Variants in KDM4C observed in about 807,000 individuals in gnomAD.
KDM4C encodes lysine demethylase 4C.
In KDM4C, 81 loss-of-function variants were observed where a neutral mutation model predicts 129.3. The observed-to-expected ratio is 0.63, with a 90% CI of 0.52 to 0.75. The LOEUF (loss-of-function observed/expected upper bound fraction) is 0.75. Among genes scored for constraint, KDM4C ranks in the 30% least tolerant of loss-of-function variants. The pLI is 0.00. For missense variants in KDM4C, 1,457 were observed against 1,304.0 expected, an observed-to-expected ratio of 1.12 and a Z score of -1.81; for synonymous variants, 573 against 456.1, an observed-to-expected ratio of 1.26 and a Z score of -3.26.
chr9:7,015,036 C>A (rs1228641161), intron 14 of KDM4C, among the ~76,000 whole-genome samples: 2 of 151,832 alleles, frequency 1.3e-5, no homozygotes, highest in Non-Finnish European at 2.9e-5. Flanking sequence ...AATGTAGCAG[C>A]TATGCAGTGT....
At chr9:7,027,025 C>G (rs955645414) in intron 15 of KDM4C, among the ~76,000 whole-genome samples, 4 of 152,040 alleles carry the variant, frequency 2.6e-5, no homozygotes, top group African/African-American at 9.7e-5. Flanking sequence ...TGAGTTTACT[C>G]TGAGCAGTTA....
chr9:6,999,919 T>A (rs1302510053), intron 12 of KDM4C, among the ~76,000 whole-genome samples: 1 of 152,232 alleles, frequency 6.6e-6, no homozygotes, highest in Non-Finnish European at 1.5e-5. Flanking sequence ...CATCAATTCT[T>A]TTTAGCTTGA....
At position 6,771,080 on chromosome 9, in the gene KDM4C, CTTTTTTTTTTTTTTT is replaced by C. The variant is rs35945405; in HGVS notation, c.-18+12892_-18+12906del. Among the ~76,000 whole-genome samples the C allele has an allele frequency of 1.5e-3, 85 of 56,974 alleles. 2 individuals carry two copies. In the South Asian group the frequency reaches 0.018, roughly 12 times the overall value. The allele number at this position is 56,974 out of a possible 152,430, so 37.4% of individuals were successfully genotyped here. ...TGAGCCACTGCGCCCGACTGTGAAT[CTTTTTTTTTTTTTTT>C]TTTTTTTTTTTTTTAAGAGATGAGG... On this transcript the variant is annotated intron_variant, in intron 1 of 21. Transcript: ENST00000381309.
chr9:6,869,205 A>G (rs1268077656), intron 5 of KDM4C, among the ~76,000 whole-genome samples: 1 of 152,094 alleles, frequency 6.6e-6, no homozygotes, highest in Non-Finnish European at 1.5e-5. Flanking sequence ...GCCTGCACAT[A>G]TGGTTGCTAG....
chr9:7,015,445 A>G (rs529565685), intron 14 of KDM4C, among the ~76,000 whole-genome samples: 4 of 152,256 alleles, frequency 2.6e-5, no homozygotes, highest in Non-Finnish European at 4.4e-5. Flanking sequence ...CATTTGCCCT[A>G]TCATTGAGGT....
chr9:7,170,060 C>A (rs528212976), intron 21 of KDM4C, 170 bp downstream of exon 21: 12 of 1,508,042 alleles, frequency 8.0e-6, no homozygotes, highest in Non-Finnish European at 1.1e-5. Context: ...TCAAATTCAA[C>A]CAAAATCGGG....
chr9:6,923,885 G>A (rs968298985), intron 8 of KDM4C, among the ~76,000 whole-genome samples: 2 of 152,142 alleles, frequency 1.3e-5, no homozygotes, highest in Non-Finnish European at 2.9e-5. Context: ...ATCTTTATCT[G>A]TAAGAGAAAA....
chr9:7,022,082 G>A (rs1479940180), intron 15 of KDM4C, among the ~76,000 whole-genome samples: 1 of 151,996 alleles, frequency 6.6e-6, no homozygotes, highest in Admixed American at 6.6e-5. Context: ...TTTAAGTTAG[G>A]CAATATGATT....
intron 12 of KDM4C, among the ~76,000 whole-genome samples, 176 bp from the exon 13 acceptor site, chr9:7,011,522 A>G (rs1586896912): frequency 6.6e-6 from 1 of 152,124 alleles, no homozygotes; most frequent in African/African-American, 2.4e-5. Flanking sequence ...CTTGAGGAGG[A>G]TTATAAGGCA....
intron 15 of KDM4C, among the ~76,000 whole-genome samples, chr9:7,027,042 A>T (rs145688077): frequency 5.3e-5 from 8 of 152,160 alleles, no homozygotes; most frequent in Non-Finnish European, 5.9e-5. Flanking sequence ...GTTACTTTGA[A>T]TTCTTTGAGA....
chr9:6,988,236 A>T (rs1328744721), intron 11 of KDM4C, among the ~76,000 whole-genome samples: 1 of 151,830 alleles, frequency 6.6e-6, no homozygotes, highest in East Asian at 1.9e-4. Flanking sequence ...GTAGCCAAGC[A>T]GATATTCATT....
At chr9:6,957,707 T>C (rs751362168) in intron 8 of KDM4C, among the ~76,000 whole-genome samples, 39 of 152,078 alleles carry the variant, frequency 2.6e-4, no homozygotes, top group Non-Finnish European at 5.0e-4. Flanking sequence ...GTTCATGTTA[T>C]AGCAGGAGCC....
chr9:7,050,861 A>G (rs533088435), intron 17 of KDM4C, among the ~76,000 whole-genome samples: 8 of 152,330 alleles, frequency 5.3e-5, no homozygotes, highest in African/African-American at 1.7e-4. Context: ...TCAGGGTGTT[A>G]TATCTAGAAA....
intron 8 of KDM4C, among the ~76,000 whole-genome samples, chr9:6,949,995 T>G (rs1563869177): frequency 1.3e-5 from 2 of 152,088 alleles, no homozygotes; most frequent in Non-Finnish European, 2.9e-5. Flanking sequence ...GGAGTCACAT[T>G]TCTTCATAGT....
chr9:7,081,162 C>A (rs1789986831), intron 17 of KDM4C, among the ~76,000 whole-genome samples: 1 of 152,166 alleles, frequency 6.6e-6, no homozygotes, highest in African/African-American at 2.4e-5. Context: ...AGGGGGATTA[C>A]TTCACTTAAT....
intron 1 of KDM4C, among the ~76,000 whole-genome samples, chr9:6,782,414 GAGCAAGCA>G (rs1398086622): frequency 6.6e-6 from 1 of 152,174 alleles, no homozygotes; most frequent in Non-Finnish European, 1.5e-5. Flanking sequence ...TTGGGACCTT[GAGCAAGCA>G]TTTTATTCTC....
At chr9:7,150,734 A>G (rs370163612) in intron 19 of KDM4C, among the ~76,000 whole-genome samples, 2 of 152,108 alleles carry the variant, frequency 1.3e-5, no homozygotes, top group South Asian at 2.1e-4. Context: ...CCCTGTTTCT[A>G]GTTATTGGCG....
chr9:6,994,098 A>G (rs184059891), intron 12 of KDM4C, among the ~76,000 whole-genome samples: 2 of 152,232 alleles, frequency 1.3e-5, no homozygotes, highest in East Asian at 3.9e-4. Context: ...TTAGATTATC[A>G]TAGGGAGTGT....
intron 8 of KDM4C, among the ~76,000 whole-genome samples, chr9:6,906,257 G>C (rs1460200933): frequency 6.6e-6 from 1 of 152,138 alleles, no homozygotes; most frequent in Non-Finnish European, 1.5e-5. Context: ...GATGGTGTCA[G>C]ATTTGTTTTC....
Sources: gnomAD v4.1 joint callset for allele counts (sites outside exome capture counted in the v4.1 genomes callset) on GRCh38, gnomAD v4.1.1 for gene constraint, MANE v1.5 for transcripts, NCBI Gene and HGNC (gene_info 2026-07-23, HGNC 2026-07-21) for gene names.